The following ITGB1 variants were observed in gnomAD, a reference collection of about 807,000 sequenced individuals.
ITGB1 encodes integrin subunit beta 1.
Under a neutral mutation model 86.5 loss-of-function variants are expected in ITGB1, and 24 were observed. The ratio of observed to expected loss-of-function variants is 0.28; its 90% CI spans 0.20 to 0.39. The LOEUF (loss-of-function observed/expected upper bound fraction) is 0.39, where lower values mean the gene tolerates loss of function less well. Among genes scored for constraint, ITGB1 ranks in the 10% least tolerant of loss-of-function variants. The probability of loss-of-function intolerance (pLI) is 1.00; values close to 1 mark genes in which losing one functional copy is unlikely to be tolerated. For synonymous variants in ITGB1, 323 were observed against 316.8 expected (o/e 1.02, Z -0.21); for missense variants, 556 against 946.9 (o/e 0.59, Z 5.42).
chr10:32,955,852 A>G (rs977801619), intron 1 of ITGB1, among the ~76,000 whole-genome samples: 2 of 152,212 alleles, frequency 1.3e-5, no homozygotes, highest in African/African-American at 4.8e-5. Flanking sequence ...CATGCTTCTC[A>G]TGTGCAGAAT....
At chr10:32,913,756 A>G (rs1310256693) in intron 11 of ITGB1, among the ~76,000 whole-genome samples, 1 of 152,248 alleles carries the variant, frequency 6.6e-6, no homozygotes, top group Non-Finnish European at 1.5e-5. Flanking sequence ...GATATTATCC[A>G]GGAGAACTTC....
chr10:32,954,038 C>G (rs1056231244), intron 1 of ITGB1, among the ~76,000 whole-genome samples: 1 of 152,138 alleles, frequency 6.6e-6, no homozygotes, highest in East Asian at 1.9e-4. Flanking sequence ...TCCTTCAGCC[C>G]GTTTTTCACT....
chr10:32,955,800 G>C (rs1426045341), intron 1 of ITGB1: 2 of 152,162 alleles, frequency 1.3e-5, no homozygotes, highest in Non-Finnish European at 2.9e-5. Context: ...CTGCCTAATT[G>C]TTAAAATTAC....
At chr10:32,908,618 G>C (rs1255246345) in intron 14 of ITGB1, 84 bp from the exon 15 acceptor site, 62 of 1,145,426 alleles carry the variant, frequency 5.4e-5, no homozygotes, top group Non-Finnish European at 7.6e-5. Flanking sequence ...ACACCCAAGA[G>C]AGTGAACGCA....
intron 1 of ITGB1, among the ~76,000 whole-genome samples, chr10:32,938,590 G>C (rs913619073): frequency 6.6e-6 from 1 of 152,176 alleles, no homozygotes; most frequent in Admixed American, 6.5e-5. Context: ...TGAAACCCTT[G>C]TGCCTCCGGA....
At chr10:32,910,485 T>A (rs1227050565) in intron 13 of ITGB1, 30 bp from the exon 14 acceptor site, 2 of 1,399,990 alleles carry the variant, frequency 1.4e-6, no homozygotes, top group East Asian at 2.3e-5. Flanking sequence ...TTATGATATT[T>A]ACATTTTATT....
chr10:32,916,864 A>T (rs1324891991), intron 11 of ITGB1, among the ~76,000 whole-genome samples: 1 of 152,228 alleles, frequency 6.6e-6, no homozygotes, highest in Admixed American at 6.5e-5. Context: ...ATGGAACCAA[A>T]AAAGAGCCTG....
At chr10:32,942,216 A>T (rs150842912) in intron 1 of ITGB1, among the ~76,000 whole-genome samples, 6 of 152,332 alleles carry the variant, frequency 3.9e-5, no homozygotes, top group Non-Finnish European at 8.8e-5. Flanking sequence ...AAACAGAGAC[A>T]TGGTGCCTTT....
intron 14 of ITGB1, 73 bp downstream of exon 14, chr10:32,910,150 A>C: frequency 9.0e-7 from 1 of 1,108,796 alleles, no homozygotes; most frequent in East Asian, 2.4e-5. Flanking sequence ...CTGTTTCTGG[A>C]TGTTAGGCCT....
intron 1 of ITGB1, among the ~76,000 whole-genome samples, chr10:32,951,313 A>G (rs970903172): frequency 3.9e-5 from 6 of 152,258 alleles, no homozygotes; most frequent in Non-Finnish European, 8.8e-5. Context: ...AACAGAATCA[A>G]CATAACAGGA....
chr10:32,957,648 C>T (rs937849065), intron 1 of ITGB1: 5 of 152,232 alleles, frequency 3.3e-5, no homozygotes, highest in African/African-American at 1.2e-4. Flanking sequence ...TGGCTCGACG[C>T]TGCTCCAAGG....
In ITGB1 at chr10:32,910,243, A is replaced by G. The variant is rs887343411; in HGVS notation, c.2144T>C (p.Val715Ala). 6 of 1,604,206 alleles carry G rather than the reference A, an allele frequency of 3.7e-6. No homozygotes were observed. Among genetic ancestry groups the G allele is most frequent in the Non-Finnish European group, 4.3e-6 (5 of 1,171,532 alleles). ...TCTACCTGGATTCTCCACAACATGAACCATGACCTCGTTGTTCCCATTCAC... is the reference window on the plus strand; with the variant it reads ...TCTACCTGGATTCTCCACAACATGAGCCATGACCTCGTTGTTCCCATTCAC... ...YSVNGNNEVMVHVVENPECPT... is the reference protein window; with the variant it reads ...YSVNGNNEVMAHVVENPECPT... Residue 715 changes from valine to alanine, a missense_variant, in exon 14 of 16, where the codon GTT becomes GCT. Physicochemically the swap from Val to Ala is moderately conservative, Grantham distance 64. Around this residue, in one of 4 missense-constraint regions of ITGB1, gnomAD observed 330 missense variants for 531.5 expected, o/e 0.62. Coordinates refer to ENST00000302278, the MANE Select transcript of ITGB1 (RefSeq NM_002211.4).
At chr10:32,953,997 C>CG (rs1455430373) in intron 1 of ITGB1, among the ~76,000 whole-genome samples, 1 of 152,136 alleles carries the variant, frequency 6.6e-6, no homozygotes, top group African/African-American at 2.4e-5. Context: ...TCCTCCACCC[C>CG]CCCTTGACTA....
chr10:32,956,893 C>T (rs1466241429), intron 1 of ITGB1, among the ~76,000 whole-genome samples: 1 of 152,118 alleles, frequency 6.6e-6, no homozygotes, highest in Non-Finnish European at 1.5e-5. Context: ...AAGTTTTTTA[C>T]ATTTTGCATT....
At chr10:32,907,191 T>G (rs200349755) in intron 15 of ITGB1, 3 of 780,452 alleles carry the variant, frequency 3.8e-6, no homozygotes, top group East Asian at 5.2e-5. Context: ...AAAAAAAAAA[T>G]CCCTTTATAG....
chr10:32,911,349 A>G (rs2094912580), intron 13 of ITGB1, 99 bp downstream of exon 13: 2 of 994,716 alleles, frequency 2.0e-6, no homozygotes, highest in South Asian at 1.5e-5. Flanking sequence ...TATTTACAGT[A>G]TATTTTAATA....
At chr10:32,907,071 A>G (rs145531166) in intron 15 of ITGB1, 120 of 1,354,782 alleles carry the variant, frequency 8.9e-5, no homozygotes, top group Non-Finnish European at 6.4e-5. Flanking sequence ...ACGGCAATTT[A>G]GAGACCAGCT....
intron 5 of ITGB1, among the ~76,000 whole-genome samples, chr10:32,926,694 C>G (rs1489421556): frequency 6.6e-6 from 1 of 152,170 alleles, no homozygotes; most frequent in African/African-American, 2.4e-5. Context: ...CCAATTAAAC[C>G]TCTTTTCTTC....
At position 32,930,057 on chromosome 10, in the gene ITGB1, T is replaced by C. The variant is rs752052974; in HGVS notation, c.154-13A>G. ...CCTGTAAAAATGTCTAAATGACATA[T>C]AAAATATAGGTATAAATGAAAATTG... On this transcript the variant is annotated splice_polypyrimidine_tract_variant and intron_variant, in intron 3 of 15. Transcript: ENST00000302278. The C allele has an allele frequency of 4.6e-6, 4 of 862,710 alleles. No homozygotes were observed. Among genetic ancestry groups the C allele is most frequent in the Non-Finnish European group, 8.0e-6 (4 of 499,672 alleles). 53.4% of individuals were successfully genotyped at this position (862,710 alleles called of 1,614,324 possible).
Sources: gnomAD v4.1 joint callset for allele counts (sites outside exome capture counted in the v4.1 genomes callset) on GRCh38, gnomAD v4.1.1 for gene constraint, gnomAD v4.1.1 regional missense constraint, MANE v1.5 for transcripts, NCBI Gene and HGNC (gene_info 2026-07-23, HGNC 2026-07-21) for gene names.